The following GALNT13 variants were observed in gnomAD, a reference collection of about 807,000 sequenced individuals.
GALNT13 encodes the protein polypeptide N-acetylgalactosaminyltransferase 13.
GALNT13 carries 28 observed loss-of-function variants against 64.2 expected under a neutral mutation model. The observed-to-expected ratio is 0.44, with a 90% CI of 0.32 to 0.60. GALNT13 has a LOEUF of 0.60. Ranked by LOEUF, GALNT13 falls within the 20% of genes least tolerant of loss-of-function variation. The probability of loss-of-function intolerance (pLI) is 0.05; values close to 1 mark genes in which losing one functional copy is unlikely to be tolerated. For missense variants in GALNT13, 577 were observed against 669.8 expected (o/e 0.86, Z 1.53); for synonymous variants, 214 against 224.6 (o/e 0.95, Z 0.42).
At chr2:154,364,073 A>G (rs946224225) in intron 9 of GALNT13, among the ~76,000 whole-genome samples, 7 of 152,228 alleles carry the variant, frequency 4.6e-5, no homozygotes, top group African/African-American at 1.7e-4. Context: ...AATGAGAAGT[A>G]TACTATATTG....
intron 3 of GALNT13, among the ~76,000 whole-genome samples, chr2:154,041,409 T>C (rs574982038): frequency 7.1e-6 from 1 of 140,674 alleles, no homozygotes; most frequent in East Asian, 2.0e-4. Flanking sequence ...AAATATGCAA[T>C]TTTTTATTCC....
chr2:153,073,854 T>C, the GALNT13 span, among the ~76,000 whole-genome samples: 136 of 152,312 alleles, frequency 8.9e-4, 2 homozygotes, highest in East Asian at 0.023. Flanking sequence ...TGTTGCTTCT[T>C]CATCTTCCCC....
the GALNT13 span, among the ~76,000 whole-genome samples, chr2:153,148,302 T>G: frequency 1.3e-5 from 2 of 151,860 alleles, no homozygotes; most frequent in African/African-American, 2.4e-5. Flanking sequence ...CATCTTGAGT[T>G]AGTCCAAGCT....
chr2:153,562,212 T>G, the GALNT13 span, among the ~76,000 whole-genome samples: 4 of 152,082 alleles, frequency 2.6e-5, no homozygotes, highest in Non-Finnish European at 5.9e-5. Flanking sequence ...AAAAAAATAG[T>G]CCAGTGTGTA....
At chr2:153,470,642 C>A in the GALNT13 span, among the ~76,000 whole-genome samples, 1 of 152,140 alleles carries the variant, frequency 6.6e-6, no homozygotes, top group Non-Finnish European at 1.5e-5. Context: ...CTGGAACTTA[C>A]AAGTTACATG....
At chr2:154,204,100 T>G (rs1346139540) in intron 4 of GALNT13, among the ~76,000 whole-genome samples, 1 of 152,166 alleles carries the variant, frequency 6.6e-6, no homozygotes, top group Non-Finnish European at 1.5e-5. Flanking sequence ...ACTTTGGGAC[T>G]CATTCACTCT....
chr2:153,709,905 C>T, the GALNT13 span, among the ~76,000 whole-genome samples: 21 of 152,000 alleles, frequency 1.4e-4, no homozygotes, highest in Non-Finnish European at 2.5e-4. Context: ...TACCACATGT[C>T]CTCATTTATA....
chr2:154,401,175 G>T (rs799754), intron 10 of GALNT13, among the ~76,000 whole-genome samples: 80,907 of 151,964 alleles, frequency 0.53, 22,067 homozygotes, highest in African/African-American at 0.64. Context: ...GGTATTGTAT[G>T]CCTTAAATAT....
the GALNT13 span, among the ~76,000 whole-genome samples, chr2:153,824,265 G>C: frequency 5.9e-5 from 9 of 152,076 alleles, no homozygotes; most frequent in Non-Finnish European, 1.2e-4. Flanking sequence ...CACACACACT[G>C]TTGGTGTGTA....
chr2:153,128,246 AGGTTTAATGG>A, the GALNT13 span, among the ~76,000 whole-genome samples: 2 of 152,160 alleles, frequency 1.3e-5, no homozygotes, highest in African/African-American at 4.8e-5. Context: ...CAAAAGAAAG[AGGTTTAATGG>A]ACTTACAGTT....
the GALNT13 span, among the ~76,000 whole-genome samples, chr2:153,721,107 G>A: frequency 1.9e-4 from 28 of 147,786 alleles, no homozygotes; most frequent in East Asian, 5.0e-3. Flanking sequence ...ACTAACAGCG[G>A]ATCTCTCGGC....
chr2:154,104,625 T>C (rs1702516213), intron 3 of GALNT13, among the ~76,000 whole-genome samples: 1 of 152,190 alleles, frequency 6.6e-6, no homozygotes, highest in Admixed American at 6.5e-5. Context: ...GTGTTTCCTT[T>C]GTCTCAGGAG....
chr2:153,418,132 C>T, the GALNT13 span, among the ~76,000 whole-genome samples: 1 of 152,108 alleles, frequency 6.6e-6, no homozygotes, highest in African/African-American at 2.4e-5. Flanking sequence ...GAATACTGCT[C>T]ATAAGAGGGA....
At chr2:154,112,619 C>A (rs1292756367) in intron 3 of GALNT13, among the ~76,000 whole-genome samples, 4 of 152,210 alleles carry the variant, frequency 2.6e-5, no homozygotes, top group African/African-American at 9.6e-5. Flanking sequence ...AATTGTACAT[C>A]TGGCCATTTA....
chr2:153,434,076 G>C, the GALNT13 span, among the ~76,000 whole-genome samples: 11 of 151,994 alleles, frequency 7.2e-5, no homozygotes, highest in Non-Finnish European at 1.5e-4. Context: ...GAGAACATGC[G>C]GTGTTTGGTT....
intron 12 of GALNT13, among the ~76,000 whole-genome samples, chr2:154,447,667 T>C (rs1460823785): frequency 1.3e-5 from 2 of 151,936 alleles, no homozygotes; most frequent in African/African-American, 4.8e-5. Flanking sequence ...TTAGAAGTCT[T>C]GGAACAAGGC....
intron 3 of GALNT13, among the ~76,000 whole-genome samples, chr2:154,016,884 G>A (rs1179555014): frequency 7.9e-5 from 12 of 152,076 alleles, no homozygotes; most frequent in Non-Finnish European, 1.6e-4. Context: ...AAGAGTGATC[G>A]GTCAAGGGAT....
the GALNT13 span, among the ~76,000 whole-genome samples, chr2:153,824,703 C>T: frequency 6.6e-6 from 1 of 152,010 alleles, no homozygotes; most frequent in Non-Finnish European, 1.5e-5. Context: ...GTTATAATTC[C>T]TAATGTTGAA....
the GALNT13 span, among the ~76,000 whole-genome samples, chr2:153,590,095 G>A: frequency 6.6e-6 from 1 of 152,072 alleles, no homozygotes; most frequent in Non-Finnish European, 1.5e-5. Context: ...ATTGATAAAT[G>A]GTTAGCTAGA....
Sources: allele counts gnomAD v4.1 joint callset (sites outside exome capture counted in the v4.1 genomes callset), GRCh38; gene constraint gnomAD v4.1.1; transcripts MANE v1.5; gene names NCBI Gene and HGNC (gene_info 2026-07-23, HGNC 2026-07-21).